The following PPP4R4 variants were observed in gnomAD, a reference collection of about 807,000 sequenced individuals.
PPP4R4 encodes the protein protein phosphatase 4 regulatory subunit 4, also known as serine/threonine-protein phosphatase 4 regulatory subunit 4.
In PPP4R4, 70 loss-of-function variants were observed where a neutral mutation model predicts 121.8. The ratio of observed to expected loss-of-function variants is 0.57; its 90% CI spans 0.47 to 0.70. The LOEUF (loss-of-function observed/expected upper bound fraction) is 0.70, where lower values mean the gene tolerates loss of function less well. Ranked by LOEUF, PPP4R4 falls within the 30% of genes least tolerant of loss-of-function variation. The probability of loss-of-function intolerance (pLI) is 0.00; values close to 1 mark genes in which losing one functional copy is unlikely to be tolerated. For synonymous variants in PPP4R4, 348 were observed against 355.7 expected (o/e 0.98, Z 0.24); for missense variants, 875 against 1,033.6 (o/e 0.85, Z 2.10).
intron 2 of PPP4R4, among the ~76,000 whole-genome samples, chr14:94,187,099 G>C (rs1889326831): frequency 6.6e-6 from 1 of 152,124 alleles, no homozygotes; most frequent in Non-Finnish European, 1.5e-5. Context: ...CAGATCACAA[G>C]GCAGGAGTTT....
At chr14:94,208,592 A>G in intron 3 of PPP4R4, 26 bp downstream of exon 3, 1 of 1,558,172 alleles carries the variant, frequency 6.4e-7, no homozygotes, top group South Asian at 1.1e-5. Context: ...ATAAGATTGG[A>G]GTTTCCCATT....
Position 94,230,652 on chromosome 14 carries a change from G to A in PPP4R4, c.360G>A (p.Leu120=), listed in dbSNP as rs1354593333. 6.2e-7 allele frequency: 1 copy of A among 1,612,674 alleles called. No individual in the cohort carries two copies. Among genetic ancestry groups the A allele is most frequent in the Admixed American group, 1.7e-5 (1 of 60,022 alleles). The change falls in exon 4 of 25, where the codon CTG becomes CTA. Residue 120 remains leucine, a synonymous_variant. Coordinates refer to ENST00000304338, the MANE Select transcript of PPP4R4 (RefSeq NM_058237.2). ...LTAAMSFLTI[L]QDESVSIHAY... ...CTGCGATGTCATTTCTGACCATTCT[G>A]CAGGACGAATCAGTGTCAATTCATG...
chr14:94,218,755 C>T (rs1891212271), intron 3 of PPP4R4, among the ~76,000 whole-genome samples: 1 of 151,348 alleles, frequency 6.6e-6, no homozygotes, highest in African/African-American at 2.4e-5. Context: ...CACACACACA[C>T]ACACACCCTC....
intron 23 of PPP4R4, among the ~76,000 whole-genome samples, chr14:94,268,015 C>T (rs78022032): frequency 0.019 from 2,922 of 152,228 alleles, 90 homozygotes; most frequent in African/African-American, 0.066. Flanking sequence ...TGGTGATTAT[C>T]GCAAGAAATA....
intron 2 of PPP4R4, among the ~76,000 whole-genome samples, chr14:94,192,781 G>A (rs943466304): frequency 4.6e-5 from 7 of 152,114 alleles, no homozygotes; most frequent in African/African-American, 1.7e-4. Flanking sequence ...TTGTCTAAGT[G>A]GTTTAGGATT....
intron 15 of PPP4R4, 38 bp downstream of exon 15, chr14:94,250,315 TA>T (rs750755722): frequency 1.1e-5 from 15 of 1,400,156 alleles, no homozygotes; most frequent in Admixed American, 6.8e-5. Context: ...AAAAGGAAAG[TA>T]AACAAACTAG....
intron 3 of PPP4R4, among the ~76,000 whole-genome samples, chr14:94,221,592 G>A (rs1891391268): frequency 6.6e-6 from 1 of 152,006 alleles, no homozygotes; most frequent in Admixed American, 6.5e-5. Flanking sequence ...AAGAAAAGAT[G>A]TTCAACATCA....
At chr14:94,244,044 T>G (rs1892764682) in intron 11 of PPP4R4, among the ~76,000 whole-genome samples, 1 of 152,014 alleles carries the variant, frequency 6.6e-6, no homozygotes, top group African/African-American at 2.4e-5. Flanking sequence ...AAATAGAAAC[T>G]GGTAAATTCA....
chr14:94,258,948 G>A (rs1389392556), intron 18 of PPP4R4, 124 bp downstream of exon 18: 1 of 918,164 alleles, frequency 1.1e-6, no homozygotes. Flanking sequence ...CACGTGGCTG[G>A]GGAGGCCTCA....
intron 14 of PPP4R4, 135 bp downstream of exon 14, chr14:94,246,674 G>C: frequency 1.0e-6 from 1 of 970,742 alleles, no homozygotes; most frequent in South Asian, 1.8e-5. Context: ...CAGCTTCGTA[G>C]GTCCAGAAGA....
intron 3 of PPP4R4, among the ~76,000 whole-genome samples, chr14:94,209,967 G>T (rs1890656850): frequency 6.6e-6 from 1 of 151,960 alleles, no homozygotes; most frequent in Non-Finnish European, 1.5e-5. Context: ...AATTCCTTTT[G>T]TTGAGTTCAC....
chr14:94,192,012 A>G (rs2139406056), intron 2 of PPP4R4, among the ~76,000 whole-genome samples: 1 of 152,206 alleles, frequency 6.6e-6, no homozygotes, highest in Middle Eastern at 3.4e-3. Flanking sequence ...ATCAGTAAGG[A>G]TAGAAATATA....
intron 5 of PPP4R4, 70 bp from the exon 6 acceptor site, chr14:94,233,583 G>T (rs1264326317): frequency 1.1e-6 from 1 of 935,382 alleles, no homozygotes; most frequent in Non-Finnish European, 1.7e-6. Context: ...ATACTCTGAA[G>T]GAATAGCTGA....
chr14:94,257,786 C>A (rs1430020587), intron 17 of PPP4R4, among the ~76,000 whole-genome samples: 5 of 151,868 alleles, frequency 3.3e-5, no homozygotes, highest in Admixed American at 3.3e-4. Context: ...AATTACTTTT[C>A]CAGAATAATT....
intron 2 of PPP4R4, among the ~76,000 whole-genome samples, chr14:94,176,361 G>A (rs920384342): frequency 1.3e-5 from 2 of 152,200 alleles, no homozygotes; most frequent in South Asian, 4.1e-4. Context: ...AGGAGCAAGA[G>A]CAGATGGTTG....
chr14:94,273,490 AT>A (rs1894456188), intron 23 of PPP4R4, among the ~76,000 whole-genome samples: 1 of 152,114 alleles, frequency 6.6e-6, no homozygotes, highest in Non-Finnish European at 1.5e-5. Context: ...AGCACAGATA[AT>A]TTTTAGGGCA....
chr14:94,200,306 T>TTCTAA (rs1438302476), intron 2 of PPP4R4, among the ~76,000 whole-genome samples: 1 of 152,190 alleles, frequency 6.6e-6, no homozygotes, highest in African/African-American at 2.4e-5. Flanking sequence ...ATAATTAAAC[T>TTCTAA]TCTAATCTGT....
At chr14:94,272,751 G>A (rs1484441107) in intron 23 of PPP4R4, among the ~76,000 whole-genome samples, 1 of 152,108 alleles carries the variant, frequency 6.6e-6, no homozygotes, top group East Asian at 1.9e-4. Flanking sequence ...CACATAATCT[G>A]ATAAAGGACT....
At chr14:94,233,830 A>G in intron 6 of PPP4R4, 71 bp downstream of exon 6, 1 of 1,018,582 alleles carries the variant, frequency 9.8e-7, no homozygotes, top group Admixed American at 2.3e-5. Flanking sequence ...CTGTGTAACA[A>G]TATATTTGTG....
Sources: gnomAD v4.1 joint callset for allele counts (sites outside exome capture counted in the v4.1 genomes callset) on GRCh38, gnomAD v4.1.1 for gene constraint, MANE v1.5 for transcripts, NCBI Gene and HGNC (gene_info 2026-07-23, HGNC 2026-07-21) for gene names.